Variants in RSRC1 observed in about 807,000 individuals in gnomAD.
The protein encoded by RSRC1 is serine/Arginine-related protein 53.
Under a neutral mutation model 49.1 loss-of-function variants are expected in RSRC1, and 39 were observed. The ratio of observed to expected loss-of-function variants is 0.79; its 90% confidence interval spans 0.61 to 1.04. The LOEUF (loss-of-function observed/expected upper bound fraction) is 1.04, where lower values mean the gene tolerates loss of function less well. Among genes scored for constraint, RSRC1 ranks in the 50% least tolerant of loss-of-function variants. RSRC1 has a pLI of 0.00. For missense variants in RSRC1, 388 were observed against 402.4 expected, an observed-to-expected ratio of 0.96 and a Z score of 0.31; for synonymous variants, 143 against 130.8, an observed-to-expected ratio of 1.09 and a Z score of -0.63.
chr3:158,234,800 TC>T (rs562220329), intron 4 of RSRC1, among the ~76,000 whole-genome samples: 181 of 152,310 alleles, frequency 1.2e-3, no homozygotes, highest in African/African-American at 4.2e-3. Flanking sequence ...AAATCTTTAA[TC>T]ACTCTTTCTT....
intron 5 of RSRC1, among the ~76,000 whole-genome samples, chr3:158,351,308 A>G (rs185228682): frequency 1.3e-5 from 2 of 152,336 alleles, no homozygotes; most frequent in East Asian, 3.9e-4. Context: ...ATATTCATTC[A>G]ACTTATTCAC....
At chr3:158,400,789 CAGT>C (rs1235015277) in intron 6 of RSRC1, among the ~76,000 whole-genome samples, 1 of 151,958 alleles carries the variant, frequency 6.6e-6, no homozygotes, top group African/African-American at 2.4e-5. Context: ...AAAAAAGTTA[CAGT>C]AGATAGATTG....
chr3:158,363,085 T>C (rs979308661), intron 6 of RSRC1, among the ~76,000 whole-genome samples: 9 of 152,174 alleles, frequency 5.9e-5, no homozygotes, highest in African/African-American at 1.9e-4. Flanking sequence ...TTGTACCTTA[T>C]AGTTTTCAAA....
intron 7 of RSRC1, among the ~76,000 whole-genome samples, chr3:158,482,308 A>G (rs1738641832): frequency 6.6e-6 from 1 of 152,182 alleles, no homozygotes; most frequent in Admixed American, 6.6e-5. Context: ...ATCAAAATGT[A>G]TTTGCATTTA....
intron 3 of RSRC1, among the ~76,000 whole-genome samples, chr3:158,126,758 G>A (rs942071942): frequency 2.0e-5 from 3 of 151,992 alleles, no homozygotes; most frequent in African/African-American, 7.2e-5. Context: ...TTTCTTGTAA[G>A]GCAGGTCTGG....
At chr3:158,273,509 AC>A in intron 4 of RSRC1, among the ~76,000 whole-genome samples, 1 of 152,248 alleles carries the variant, frequency 6.6e-6, no homozygotes, top group South Asian at 2.1e-4. Flanking sequence ...TATGGAACTC[AC>A]GGATAAATTA....
At chr3:158,494,636 T>C (rs1278528133) in intron 7 of RSRC1, among the ~76,000 whole-genome samples, 1 of 152,222 alleles carries the variant, frequency 6.6e-6, no homozygotes, top group Non-Finnish European at 1.5e-5. Flanking sequence ...TATTATACAC[T>C]GTACAAAAAT....
chr3:158,349,965 T>C (rs1730776028), intron 5 of RSRC1, among the ~76,000 whole-genome samples: 1 of 151,876 alleles, frequency 6.6e-6, no homozygotes, highest in East Asian at 1.9e-4. Context: ...CCCAAAGTGC[T>C]AGGATTACAG....
chr3:158,165,834 A>G (rs903063885), intron 3 of RSRC1, among the ~76,000 whole-genome samples: 5 of 152,210 alleles, frequency 3.3e-5, no homozygotes, highest in Non-Finnish European at 7.3e-5. Flanking sequence ...ATGTTTCCAT[A>G]TACTACCTTT....
At chr3:158,370,579 A>G (rs1328019114) in intron 6 of RSRC1, among the ~76,000 whole-genome samples, 1 of 151,612 alleles carries the variant, frequency 6.6e-6, no homozygotes, top group Non-Finnish European at 1.5e-5. Context: ...TGTCGTTGTG[A>G]GCATTCATTT....
chr3:158,353,995 C>CTTTTTTTTTTTT (rs1230649090), intron 5 of RSRC1, among the ~76,000 whole-genome samples: 8 of 96,302 alleles, frequency 8.3e-5, no homozygotes, highest in Admixed American at 1.4e-4. Flanking sequence ...GTTTCTTTTT[C>CTTTTTTTTTTTT]TTTTTTTTTT....
intron 6 of RSRC1, among the ~76,000 whole-genome samples, chr3:158,446,161 T>C (rs1736699777): frequency 6.6e-6 from 1 of 152,082 alleles, no homozygotes; most frequent in South Asian, 2.1e-4. Context: ...AAATGCAGAG[T>C]TGATAAATAC....
intron 4 of RSRC1, among the ~76,000 whole-genome samples, chr3:158,257,795 GTTTCTTATATGTT>G (rs955881281): frequency 7.2e-5 from 11 of 151,930 alleles, no homozygotes; most frequent in African/African-American, 2.7e-4. Flanking sequence ...TTTTTGGTGT[GTTTCTTATATGTT>G]TTTTGATTTG....
At chr3:158,414,295 C>G (rs1734625810) in intron 6 of RSRC1, among the ~76,000 whole-genome samples, 1 of 152,064 alleles carries the variant, frequency 6.6e-6, no homozygotes, top group Non-Finnish European at 1.5e-5. Flanking sequence ...CAGACTAACA[C>G]AGGAACAGAA....
At chr3:158,253,159 C>T (rs776600093) in intron 4 of RSRC1, among the ~76,000 whole-genome samples, 22 of 151,846 alleles carry the variant, frequency 1.4e-4, no homozygotes, top group African/African-American at 4.1e-4. Context: ...TATGATGTAT[C>T]GCTGGCTTGT....
intron 5 of RSRC1, among the ~76,000 whole-genome samples, chr3:158,321,146 T>C (rs1218060602): frequency 6.6e-6 from 1 of 152,070 alleles, no homozygotes; most frequent in African/African-American, 2.4e-5. Flanking sequence ...TCTTCATCAC[T>C]TCTCCTTCTT....
Position 158,125,749 on chromosome 3 carries a change from G to A in RSRC1, c.320+1758G>A, listed in dbSNP as rs546243884. On this transcript the variant is annotated intron_variant, in intron 3 of 9. Coordinates refer to ENST00000611884, the MANE Select transcript of RSRC1 (RefSeq NM_001271838.2). ...ATGTTAGGTCTAATTCATCTGTAGTGTTGTTCAGGTCCTCTTATGTCTTAT... is the reference window on the plus strand; with the variant it reads ...ATGTTAGGTCTAATTCATCTGTAGTATTGTTCAGGTCCTCTTATGTCTTAT... Among the ~76,000 whole-genome samples, 31 of 152,198 alleles carry A rather than the reference G, an allele frequency of 2.0e-4. 1 individual carries two copies. The South Asian group carries it at 5.0e-3, about 24-fold the overall frequency.
chr3:158,134,953 G>A (rs1716272359), intron 3 of RSRC1, among the ~76,000 whole-genome samples: 1 of 152,084 alleles, frequency 6.6e-6, no homozygotes, highest in African/African-American at 2.4e-5. Context: ...GAGGCACTGT[G>A]AAATATTTAC....
chr3:158,365,427 C>T (rs893699374), intron 6 of RSRC1, among the ~76,000 whole-genome samples: 1 of 152,058 alleles, frequency 6.6e-6, no homozygotes, highest in African/African-American at 2.4e-5. Flanking sequence ...TGTTAGTTTG[C>T]TGAGAATGAT....
Sources: allele counts gnomAD v4.1 joint callset (sites outside exome capture counted in the v4.1 genomes callset), GRCh38; gene constraint gnomAD v4.1.1; transcripts MANE v1.5; gene names NCBI Gene and HGNC (gene_info 2026-07-23, HGNC 2026-07-21).